The following ADAMTSL1 variants were observed in gnomAD, a reference collection of about 807,000 sequenced individuals.
The protein encoded by ADAMTSL1 is ADAMTS like 1.
In ADAMTSL1, 126 loss-of-function variants were observed where a neutral mutation model predicts 201.8. That is an observed-to-expected ratio of 0.62 (90% CI 0.54 to 0.72). The LOEUF (loss-of-function observed/expected upper bound fraction) is 0.72. Ranked by LOEUF, ADAMTSL1 falls within the 30% of genes least tolerant of loss-of-function variation. ADAMTSL1 has a pLI of 0.00. For missense variants in ADAMTSL1, 2,679 were observed against 2,277.8 expected (o/e 1.18, Z -3.59); for synonymous variants, 1,121 against 903.4 (o/e 1.24, Z -4.32).
At chr9:18,237,342 G>A (rs1032507025) in intron 2 of ADAMTSL1, among the ~76,000 whole-genome samples, 1 of 152,206 alleles carries the variant, frequency 6.6e-6, no homozygotes. Flanking sequence ...CAGGGGCACT[G>A]TGTACAGAAT....
intron 2 of ADAMTSL1, among the ~76,000 whole-genome samples, chr9:18,524,078 G>A (rs1818880426): frequency 6.6e-6 from 1 of 150,898 alleles, no homozygotes; most frequent in African/African-American, 2.4e-5. Flanking sequence ...CCATGAGCAT[G>A]GAATGTTCTT....
chr9:18,852,682 A>G (rs1172573975), intron 23 of ADAMTSL1, among the ~76,000 whole-genome samples: 1 of 152,244 alleles, frequency 6.6e-6, no homozygotes, highest in Admixed American at 6.5e-5. Flanking sequence ...AAAACTAATG[A>G]AAAGAGAATG....
chr9:18,127,121 C>G (rs1322407626), intron 1 of ADAMTSL1, among the ~76,000 whole-genome samples: 1 of 152,070 alleles, frequency 6.6e-6, no homozygotes, highest in Non-Finnish European at 1.5e-5. Flanking sequence ...ACATATGGCA[C>G]AGCTGTGAAG....
At chr9:18,585,012 G>GT in intron 4 of ADAMTSL1, among the ~76,000 whole-genome samples, 1 of 152,142 alleles carries the variant, frequency 6.6e-6, no homozygotes, top group East Asian at 1.9e-4. Context: ...TTCGATCTAG[G>GT]TTTTTTTCTA....
At chr9:18,386,130 A>T (rs188242023) in intron 2 of ADAMTSL1, among the ~76,000 whole-genome samples, 26 of 152,306 alleles carry the variant, frequency 1.7e-4, no homozygotes, top group Admixed American at 7.2e-4. Flanking sequence ...TCTTTGTTGC[A>T]GGACTAGTGT....
At chr9:18,221,015 C>G (rs372517954) in intron 2 of ADAMTSL1, among the ~76,000 whole-genome samples, 1 of 152,146 alleles carries the variant, frequency 6.6e-6, no homozygotes, top group Non-Finnish European at 1.5e-5. Flanking sequence ...GCCTAAGAGA[C>G]CCACCCTCTT....
chr9:18,632,463 A>G (rs1183786430), intron 5 of ADAMTSL1, among the ~76,000 whole-genome samples: 1 of 152,216 alleles, frequency 6.6e-6, no homozygotes, highest in Non-Finnish European at 1.5e-5. Context: ...GGGGTTAAAT[A>G]GAGTGAAATG....
At chr9:18,033,188 A>C (rs1350253488) in intron 1 of ADAMTSL1, among the ~76,000 whole-genome samples, 1 of 152,164 alleles carries the variant, frequency 6.6e-6, no homozygotes, top group Non-Finnish European at 1.5e-5. Context: ...ATAATTATGA[A>C]TTGTTTTTCA....
intron 1 of ADAMTSL1, among the ~76,000 whole-genome samples, chr9:18,098,405 C>T (rs982109027): frequency 6.6e-6 from 1 of 152,094 alleles, no homozygotes; most frequent in African/African-American, 2.4e-5. Flanking sequence ...AAATGTAGAT[C>T]TTTAATTTCT....
intron 23 of ADAMTSL1, among the ~76,000 whole-genome samples, chr9:18,877,278 G>T (rs918772965): frequency 1.3e-5 from 2 of 152,092 alleles, no homozygotes; most frequent in African/African-American, 4.8e-5. Context: ...AGGCGTTCCT[G>T]GTGAGCCAGT....
At chr9:18,727,543 T>G (rs2133459904) in intron 15 of ADAMTSL1, among the ~76,000 whole-genome samples, 1 of 152,382 alleles carries the variant, frequency 6.6e-6, no homozygotes, top group East Asian at 1.9e-4. Flanking sequence ...TGGGCCTGAC[T>G]GGGCCAGTGG....
chr9:18,123,161 A>G (rs1825578079), intron 1 of ADAMTSL1, among the ~76,000 whole-genome samples: 1 of 152,216 alleles, frequency 6.6e-6, no homozygotes, highest in Non-Finnish European at 1.5e-5. Flanking sequence ...AGCTGGCTTC[A>G]GGTATTAGAA....
intron 15 of ADAMTSL1, among the ~76,000 whole-genome samples, chr9:18,742,853 A>G (rs1271577220): frequency 6.6e-6 from 1 of 152,244 alleles, no homozygotes; most frequent in African/African-American, 2.4e-5. Context: ...ATATGGTATT[A>G]GAGAAGAAAC....
At chr9:18,027,571 T>G (rs898613197) in intron 1 of ADAMTSL1, among the ~76,000 whole-genome samples, 5 of 152,062 alleles carry the variant, frequency 3.3e-5, no homozygotes, top group Admixed American at 3.3e-4. Context: ...CTCTGTGGTC[T>G]GAGAGTATGC....
intron 1 of ADAMTSL1, among the ~76,000 whole-genome samples, chr9:17,935,468 A>G (rs1391465545): frequency 6.6e-6 from 1 of 152,088 alleles, no homozygotes; most frequent in Non-Finnish European, 1.5e-5. Context: ...TTCACTATCT[A>G]TTTAGCATTT....
At chr9:18,456,691 T>G (rs779862608) in intron 2 of ADAMTSL1, among the ~76,000 whole-genome samples, 3 of 152,202 alleles carry the variant, frequency 2.0e-5, no homozygotes, top group Non-Finnish European at 4.4e-5. Flanking sequence ...ACTAATTAAA[T>G]ATTAGTGCTC....
chr9:18,501,438 G>A (rs369636636), intron 1 of ADAMTSL1, among the ~76,000 whole-genome samples: 1 of 150,494 alleles, frequency 6.6e-6, no homozygotes, highest in East Asian at 2.0e-4. Flanking sequence ...TTGAGCCCAG[G>A]AGGTCAAGGC....
chr9:17,932,189 A>C (rs970076729), intron 1 of ADAMTSL1, among the ~76,000 whole-genome samples: 5 of 152,190 alleles, frequency 3.3e-5, no homozygotes, highest in Admixed American at 3.3e-4. Context: ...GGGCTCAAGC[A>C]GTGCTCCTTT....
chr9:18,648,288 T>C (rs13286679), intron 7 of ADAMTSL1, among the ~76,000 whole-genome samples: 12,590 of 129,582 alleles, frequency 0.097, 1,029 homozygotes, highest in Middle Eastern at 0.17. Flanking sequence ...TGTCTCTGCA[T>C]GTGAGATGGG....
Sources: gnomAD v4.1 joint callset for allele counts (sites outside exome capture counted in the v4.1 genomes callset) on GRCh38, gnomAD v4.1.1 for gene constraint, MANE v1.5 for transcripts, NCBI Gene and HGNC (gene_info 2026-07-23, HGNC 2026-07-21) for gene names.